ALDH1A3: variants seen among roughly 807,000 people sequenced by gnomAD.
ALDH1A3 encodes aldehyde dehydrogenase 1 family member A3, also known as retinaldehyde dehydrogenase 3.
In ALDH1A3, 28 loss-of-function variants were observed where a neutral mutation model predicts 57.5. The ratio of observed to expected loss-of-function variants is 0.49; its 90% CI spans 0.36 to 0.67. ALDH1A3 has a LOEUF of 0.67. Among genes scored for constraint, ALDH1A3 ranks in the 30% least tolerant of loss-of-function variants. The pLI, the probability that ALDH1A3 is intolerant of heterozygous loss-of-function variation, is 0.00. For synonymous variants in ALDH1A3, 281 were observed against 264.8 expected (o/e 1.06, Z -0.59); for missense variants, 507 against 669.4 (o/e 0.76, Z 2.68).
At position 100,916,136 on chromosome 15, in the gene ALDH1A3, C is replaced by T. The variant is rs1259738679; in HGVS notation, c.*1363C>T. 1.3e-5 allele frequency: 2 copies of T among 152,134 alleles called. No individual in the cohort carries two copies. The highest frequency in any genetic ancestry group is 2.9e-5 in the Non-Finnish European group (2 of 68,030). The allele number at this position is 152,134 out of a possible 1,614,324, so 9.4% of individuals were successfully genotyped here. ...CGTAACAGAACCAGTGTGTGTATAA[C>T]GAAAACCATGTATAAAATGGGCCTA... On this transcript the variant is annotated 3_prime_UTR_variant, in exon 13 of 13. Transcript: ENST00000329841.
intron 6 of ALDH1A3, 71 bp from the exon 7 acceptor site, chr15:100,895,862 C>G: frequency 2.2e-6 from 3 of 1,354,426 alleles, no homozygotes; most frequent in Non-Finnish European, 3.1e-6. Flanking sequence ...CCACGGCTCT[C>G]TCGGCCCAAA....
chr15:100,885,724 C>T (rs7167278), intron 2 of ALDH1A3, among the ~76,000 whole-genome samples: 2,848 of 151,180 alleles, frequency 0.019, 43 homozygotes, highest in African/African-American at 0.038. Flanking sequence ...AAGCATTTCC[C>T]GCTGGTGTGT....
chr15:100,887,625 G>A lies in ALDH1A3; in HGVS notation c.258G>A (p.Ser86=), dbSNP rs368918536. The A allele has an allele frequency of 2.4e-5, 38 of 1,611,566 alleles. No homozygotes were observed. The highest frequency in any genetic ancestry group is 3.1e-5 in the Non-Finnish European group (37 of 1,178,898). Residue 86 remains serine (S), a synonymous_variant, in exon 3 of 13, where the codon TCG becomes TCA. Coordinates refer to ENST00000329841, the MANE Select transcript of ALDH1A3 (RefSeq NM_000693.4). This position sits in a 1 kb window ranked among gnomAD's most constrained non-coding sequence, Gnocchi z 4.6. The part of the protein sequence containing the change: ...EAAQVAFQRG[S]PWRRLDALSR... ...CACAGGTTGCCTTCCAGAGGGGCTC[G>A]CCATGGCGCCGGCTGGATGCCCTGA... is the stretch of plus-strand genomic sequence containing the variant.
At chr15:100,885,482 G>T (rs1459927271) in intron 2 of ALDH1A3, 111 bp downstream of exon 2, 9 of 738,820 alleles carry the variant, frequency 1.2e-5, no homozygotes, top group Non-Finnish European at 1.8e-5. Context: ...TGGGGGCAGG[G>T]CCTGGGCTAG....
chr15:100,908,598 C>G, intron 12 of ALDH1A3, 116 bp downstream of exon 12: 1 of 911,258 alleles, frequency 1.1e-6, no homozygotes, highest in Non-Finnish European at 1.7e-6. Context: ...CACCGCCGCT[C>G]TGTCTGGGCC....
rs760481765 is a variant in ALDH1A3 at position 100,914,803 on chromosome 15, C to G, written c.*30C>G. ...AAGGCGGGGCTCCTTCCTCAAACAT[C>G]GGACGGCGGAATGTGGCAGATGAAA... On this transcript the variant is annotated 3_prime_UTR_variant, in exon 13 of 13. Transcript: ENST00000329841. The G allele has an allele frequency of 6.2e-6, 10 of 1,605,968 alleles. No homozygotes were observed. In the African/African-American group the frequency reaches 6.7e-5, roughly 11 times the overall value.
At chr15:100,901,940 T>C (rs2041773536) in intron 9 of ALDH1A3, among the ~76,000 whole-genome samples, 1 of 152,176 alleles carries the variant, frequency 6.6e-6, no homozygotes, top group African/African-American at 2.4e-5. Flanking sequence ...GTGGCTAACA[T>C]TCCTTCTCCT....
At chr15:100,897,327 C>G (rs1406565376) in intron 7 of ALDH1A3, among the ~76,000 whole-genome samples, 1 of 152,250 alleles carries the variant, frequency 6.6e-6, no homozygotes, top group Non-Finnish European at 1.5e-5. Context: ...CTGCACTGGT[C>G]TCTGAGGATC....
chr15:100,902,157 T>C (rs1386463843), intron 9 of ALDH1A3, among the ~76,000 whole-genome samples: 1 of 152,240 alleles, frequency 6.6e-6, no homozygotes, highest in African/African-American at 2.4e-5. Context: ...CCCGTCGTTA[T>C]TTGTAAGTCT....
At chr15:100,881,912 G>A (rs1454839082) in intron 1 of ALDH1A3, among the ~76,000 whole-genome samples, 1 of 152,210 alleles carries the variant, frequency 6.6e-6, no homozygotes, top group Non-Finnish European at 1.5e-5. Flanking sequence ...TGTGGCTGAG[G>A]GTGGCCAACC....
intron 3 of ALDH1A3, among the ~76,000 whole-genome samples, chr15:100,891,659 A>G (rs2041651556): frequency 6.6e-6 from 1 of 152,062 alleles, no homozygotes; most frequent in Non-Finnish European, 1.5e-5. Context: ...TTTTTCAATC[A>G]CCATCTCACT....
rs945463344 is a variant in ALDH1A3 at position 100,889,739 on chromosome 15, G to A, written c.345+2027G>A. Among the ~76,000 whole-genome samples, 1 of 152,162 alleles carries A rather than the reference G, an allele frequency of 6.6e-6. No homozygotes were observed. Among genetic ancestry groups the A allele is most frequent in the Non-Finnish European group, 1.5e-5 (1 of 68,024 alleles). On this transcript the variant is annotated intron_variant, in intron 3 of 12. Coordinates refer to ENST00000329841, the MANE Select transcript of ALDH1A3 (RefSeq NM_000693.4). This position sits in a 1 kb window ranked among gnomAD's most constrained non-coding sequence, Gnocchi z 5.1. The stretch of plus-strand genomic sequence containing the variant: ...CATTGTCCTGGCACGACTGTGTTTT[G>A]ATAGCAGACAGCTTTGGAGGATCTC...
chr15:100,896,592 A>T (rs553293002), intron 7 of ALDH1A3, among the ~76,000 whole-genome samples: 1 of 152,212 alleles, frequency 6.6e-6, no homozygotes, highest in Non-Finnish European at 1.5e-5. Context: ...TGCTGAGAAT[A>T]TGGGGAAGCA....
intron 1 of ALDH1A3, among the ~76,000 whole-genome samples, chr15:100,885,030 C>T (rs1176422102): frequency 1.3e-5 from 2 of 152,172 alleles, no homozygotes; most frequent in Non-Finnish European, 2.9e-5. Context: ...CTCTAAGTGA[C>T]TATAGTTTTA....
In ALDH1A3 at chr15:100,893,519, C is replaced by T. The variant is rs996310338; in HGVS notation, c.538-435C>T. 1 of 170,000 alleles carries T rather than the reference C, an allele frequency of 5.9e-6. No homozygotes were observed. The highest frequency in any genetic ancestry group is 2.4e-5 in the African/African-American group (1 of 42,042). 10.5% of individuals were successfully genotyped at this position (170,000 alleles called of 1,614,324 possible). On this transcript the variant is annotated intron_variant, in intron 5 of 12. Transcript: ENST00000329841. This position sits in a 1 kb window ranked among gnomAD's most constrained non-coding sequence, Gnocchi z 4.8. ...GCTGCTAAGGGGCCGGGACTTTATTCATTGGGCGGTGGGGATGCTTATAGG... is the reference window on the plus strand; with the variant it reads ...GCTGCTAAGGGGCCGGGACTTTATTTATTGGGCGGTGGGGATGCTTATAGG...
chr15:100,908,143 C>G (rs2141571588), intron 11 of ALDH1A3, among the ~76,000 whole-genome samples: 1 of 152,296 alleles, frequency 6.6e-6, no homozygotes, highest in Admixed American at 6.5e-5. Context: ...GTCATCATGC[C>G]TGGCCCTCTC....
In ALDH1A3 at chr15:100,906,017, A is replaced by G. The variant is rs1166113393; in HGVS notation, c.1233+330A>G. On this transcript the variant is annotated intron_variant, in intron 10 of 12. Transcript: ENST00000329841. The surrounding 1 kb of genome is among the most constrained non-coding windows in gnomAD (Gnocchi z 4.8). ...CAACCGGTCCCCGAGTCAGTCATGC[A>G]GCCGCAGGTGGAGAACTGTTGCCAC... is the stretch of plus-strand genomic sequence containing the variant. Among the ~76,000 whole-genome samples, 1 of 152,116 alleles carries G rather than the reference A, an allele frequency of 6.6e-6. No homozygotes were observed. Among genetic ancestry groups the G allele is most frequent in the Non-Finnish European group, 1.5e-5 (1 of 68,026 alleles).
Position 100,887,745 on chromosome 15 carries a change from T to G in ALDH1A3, c.345+33T>G, listed in dbSNP as rs762163131. 5 of 1,550,504 alleles carry G rather than the reference T, an allele frequency of 3.2e-6. No homozygotes were observed. The highest frequency in any genetic ancestry group is 4.4e-6 in the Non-Finnish European group (5 of 1,144,404). ...CATGCACTTGGGGGCCGGTGGGGGATGAGCCAGCCTCACTGAGGGTCCTGT... is the reference window on the plus strand; with the variant it reads ...CATGCACTTGGGGGCCGGTGGGGGAGGAGCCAGCCTCACTGAGGGTCCTGT... On this transcript the variant is annotated intron_variant, in intron 3 of 12. Coordinates refer to ENST00000329841, the MANE Select transcript of ALDH1A3 (RefSeq NM_000693.4). This position sits in a 1 kb window ranked among gnomAD's most constrained non-coding sequence, Gnocchi z 4.6.
chr15:100,880,175 C>G, intron 1 of ALDH1A3, 169 bp downstream of exon 1: 1 of 426,084 alleles, frequency 2.3e-6, no homozygotes, highest in Non-Finnish European at 4.0e-6. Flanking sequence ...TTTCGCGGGA[C>G]GTCTCGGGCG....
Sources: gnomAD v4.1 joint callset for allele counts (sites outside exome capture counted in the v4.1 genomes callset) on GRCh38, gnomAD v4.1.1 for gene constraint, Gnocchi (gnomAD v3.1) non-coding constraint, MANE v1.5 for transcripts, NCBI Gene and HGNC (gene_info 2026-07-23, HGNC 2026-07-21) for gene names.